Variants in CLYBL observed in about 807,000 individuals in gnomAD.
CLYBL encodes the protein citramalyl-CoA lyase, also known as citramalyl-CoA lyase, mitochondrial.
In CLYBL, 31 loss-of-function variants were observed where a neutral mutation model predicts 38.9. The observed-to-expected ratio is 0.80, with a 90% CI of 0.60 to 1.08. The LOEUF (loss-of-function observed/expected upper bound fraction) is 1.08. Among genes scored for constraint, CLYBL ranks in the 50% least tolerant of loss-of-function variants. The pLI is 0.00. For synonymous variants in CLYBL, 171 were observed against 158.6 expected (o/e 1.08, Z -0.59); for missense variants, 434 against 411.6 (o/e 1.05, Z -0.47).
intron 6 of CLYBL, 86 bp from the exon 7 acceptor site, chr13:99,870,852 C>G: frequency 7.3e-7 from 1 of 1,367,726 alleles, no homozygotes; most frequent in South Asian, 1.4e-5. Flanking sequence ...GTCTATGAGG[C>G]CTTCAGGAAC....
intron 2 of CLYBL, among the ~76,000 whole-genome samples, chr13:99,773,425 A>G (rs1383282859): frequency 1.3e-5 from 2 of 152,188 alleles, no homozygotes; most frequent in Non-Finnish European, 2.9e-5. Context: ...AACAAGCATT[A>G]TGGCCTAAGC....
chr13:99,794,926 G>A (rs1594187741), intron 2 of CLYBL, among the ~76,000 whole-genome samples: 1 of 152,120 alleles, frequency 6.6e-6, no homozygotes, highest in East Asian at 1.9e-4. Flanking sequence ...ATCAGTGGGT[G>A]TATTTTAAGT....
At chr13:99,821,826 C>T (rs57746799) in intron 2 of CLYBL, among the ~76,000 whole-genome samples, 18 of 152,342 alleles carry the variant, frequency 1.2e-4, no homozygotes, top group African/African-American at 3.4e-4. Context: ...ACATGTCAAG[C>T]AGGAACCCAG....
rs114919615 is a variant in CLYBL, at chr13:99,628,079, T to G, written c.62+21322T>G. On this transcript the variant is annotated intron_variant, in intron 1 of 8. Transcript: ENST00000339105. ...ACCCATCGGAACATTTTTACTTGTGTAGTTAGCACGATCACTTCTCCAAGT... is the reference window on the plus strand; with the variant it reads ...ACCCATCGGAACATTTTTACTTGTGGAGTTAGCACGATCACTTCTCCAAGT... 4.3e-3 allele frequency among the ~76,000 whole-genome samples: 656 copies of G among 152,320 alleles called. 3 individuals are homozygous for G. The highest frequency in any genetic ancestry group is 0.015 in the African/African-American group (619 of 41,576).
intron 3 of CLYBL, 105 bp from the exon 4 acceptor site, chr13:99,862,879 AGGCTTGG>A: frequency 2.2e-6 from 1 of 456,834 alleles, no homozygotes. Flanking sequence ...TGGACGAAAG[AGGCTTGG>A]ATATTACTTC....
intron 2 of CLYBL, among the ~76,000 whole-genome samples, chr13:99,844,296 AG>A (rs144537729): frequency 6.6e-6 from 1 of 152,316 alleles, no homozygotes; most frequent in African/African-American, 2.4e-5. Flanking sequence ...TCTGTTCTTC[AG>A]GCAGATGTGG....
intron 6 of CLYBL, among the ~76,000 whole-genome samples, chr13:99,870,244 T>C (rs180973827): frequency 1.3e-5 from 2 of 152,288 alleles, no homozygotes; most frequent in East Asian, 1.9e-4. Context: ...TATTTTTTAA[T>C]TTTTAAATGG....
chr13:99,724,630 A>G (rs968820796), intron 1 of CLYBL, among the ~76,000 whole-genome samples: 4 of 151,972 alleles, frequency 2.6e-5, no homozygotes, highest in African/African-American at 9.7e-5. Context: ...TACAGCTGTG[A>G]TTGTTTTCGT....
intron 7 of CLYBL, among the ~76,000 whole-genome samples, chr13:99,884,009 C>A (rs1195807715): frequency 6.6e-6 from 1 of 152,034 alleles, no homozygotes; most frequent in African/African-American, 2.4e-5. Flanking sequence ...CATGAAAATT[C>A]TTTTTGTGAA....
chr13:99,681,475 C>T (rs1160800582), intron 1 of CLYBL, among the ~76,000 whole-genome samples: 1 of 151,846 alleles, frequency 6.6e-6, no homozygotes, highest in African/African-American at 2.4e-5. Context: ...AGAGAGAGAC[C>T]AAGAGAGACA....
intron 2 of CLYBL, among the ~76,000 whole-genome samples, chr13:99,813,024 G>C (rs1251057811): frequency 6.6e-6 from 1 of 152,194 alleles, no homozygotes; most frequent in Admixed American, 6.5e-5. Flanking sequence ...GTTACATCCT[G>C]CTAGGAGAAT....
At chr13:99,686,527 AG>A (rs2047820897) in intron 1 of CLYBL, among the ~76,000 whole-genome samples, 1 of 152,180 alleles carries the variant, frequency 6.6e-6, no homozygotes, top group Non-Finnish European at 1.5e-5. Context: ...AGAGAGAGAG[AG>A]AGAGAGAGAC....
intron 1 of CLYBL, among the ~76,000 whole-genome samples, chr13:99,626,675 G>A (rs1258158595): frequency 6.6e-6 from 1 of 152,096 alleles, no homozygotes; most frequent in African/African-American, 2.4e-5. Context: ...GGAGCTTTCA[G>A]GTGACTTCAC....
Position 99,787,828 on chromosome 13 carries a change from T to G in CLYBL, c.249+14818T>G, listed in dbSNP as rs183747827. Among the ~76,000 whole-genome samples, 412 of 152,358 alleles carry G rather than the reference T, an allele frequency of 2.7e-3. 2 individuals carry two copies. The highest frequency in any genetic ancestry group is 4.1e-3 in the Admixed American group (62 of 15,300). On this transcript the variant is annotated intron_variant, in intron 2 of 8. Transcript: ENST00000339105. ...TTCACGATAAGATTCTTCCTATCCA[T>G]GAGCATGGAATGTTCTTCCATTTGT...
chr13:99,710,909 CAG>C (rs1459972374), intron 1 of CLYBL, among the ~76,000 whole-genome samples: 1 of 99,744 alleles, frequency 1.0e-5, no homozygotes, highest in Non-Finnish European at 1.9e-5. Flanking sequence ...TTTTTTGAGA[CAG>C]AGTTTTGCTG....
intron 2 of CLYBL, among the ~76,000 whole-genome samples, chr13:99,847,036 T>C (rs2051222121): frequency 6.6e-6 from 1 of 152,194 alleles, no homozygotes; most frequent in Non-Finnish European, 1.5e-5. Flanking sequence ...TGGATCGGCT[T>C]CCAGTAATGT....
At chr13:99,737,308 C>G (rs1202018762) in intron 1 of CLYBL, among the ~76,000 whole-genome samples, 2 of 152,210 alleles carry the variant, frequency 1.3e-5, no homozygotes, top group Non-Finnish European at 2.9e-5. Context: ...CAAGTGTCTT[C>G]TCAGCCACAG....
intron 1 of CLYBL, among the ~76,000 whole-genome samples, chr13:99,744,423 C>T (rs2048814837): frequency 6.6e-6 from 1 of 152,174 alleles, no homozygotes; most frequent in Non-Finnish European, 1.5e-5. Context: ...ACTTCTCTTA[C>T]CATACAGAGA....
chr13:99,800,789 G>A (rs1566332330), intron 2 of CLYBL, among the ~76,000 whole-genome samples: 1 of 151,750 alleles, frequency 6.6e-6, no homozygotes, highest in African/African-American at 2.4e-5. Context: ...CAGGAGAATC[G>A]CGTGAGCCCA....
Sources: allele counts gnomAD v4.1 joint callset (sites outside exome capture counted in the v4.1 genomes callset), GRCh38; gene constraint gnomAD v4.1.1; transcripts MANE v1.5; gene names NCBI Gene and HGNC (gene_info 2026-07-23, HGNC 2026-07-21).